SMYD3: variants seen among roughly 807,000 people sequenced by gnomAD.
SMYD3 encodes SET and MYND domain containing 3, also known as histone-lysine N-methyltransferase SMYD3.
A neutral mutation model predicts 57.7 loss-of-function variants in SMYD3; 36 were observed. The observed-to-expected ratio is 0.62, with a 90% CI of 0.48 to 0.82. SMYD3 has a LOEUF of 0.82. Ranked by LOEUF, SMYD3 falls within the 40% of genes least tolerant of loss-of-function variation. The probability of loss-of-function intolerance (pLI) is 0.00; values close to 1 mark genes in which losing one functional copy is unlikely to be tolerated. For missense variants in SMYD3, 515 were observed against 538.8 expected, an observed-to-expected ratio of 0.96 and a Z score of 0.44; for synonymous variants, 211 against 195.0, an observed-to-expected ratio of 1.08 and a Z score of -0.68.
chr1:246,464,374 A>C (rs2067852372), intron 1 of SMYD3, among the ~76,000 whole-genome samples: 1 of 151,942 alleles, frequency 6.6e-6, no homozygotes, highest in Non-Finnish European at 1.5e-5. Flanking sequence ...AAACTTAGCC[A>C]GGAGTGGTGG....
chr1:245,937,313 C>T (rs1226267418), intron 5 of SMYD3, among the ~76,000 whole-genome samples: 2 of 152,200 alleles, frequency 1.3e-5, no homozygotes, highest in Admixed American at 1.3e-4. Flanking sequence ...CAAATGTTAG[C>T]AAATGAAGCC....
At chr1:245,915,427 C>T in intron 8 of SMYD3, 103 bp downstream of exon 8, 1 of 695,738 alleles carries the variant, frequency 1.4e-6, no homozygotes, top group Non-Finnish European at 2.6e-6. Flanking sequence ...CTACCATGTA[C>T]TGAGGGTCAT....
intron 10 of SMYD3, among the ~76,000 whole-genome samples, chr1:245,826,398 A>G (rs2049493107): frequency 6.6e-6 from 1 of 152,134 alleles, no homozygotes; most frequent in East Asian, 1.9e-4. Flanking sequence ...GTTTTTAAAT[A>G]GAGAAGGGGT....
intron 5 of SMYD3, among the ~76,000 whole-genome samples, chr1:245,980,137 G>A (rs986357443): frequency 2.0e-5 from 3 of 152,176 alleles, no homozygotes; most frequent in South Asian, 4.1e-4. Flanking sequence ...TACAACGAGG[G>A]GGAGAACTCA....
intron 5 of SMYD3, among the ~76,000 whole-genome samples, chr1:246,130,252 A>ACT (rs2061568209): frequency 6.6e-6 from 1 of 152,206 alleles, no homozygotes; most frequent in Admixed American, 6.5e-5. Context: ...CAAAATTATC[A>ACT]CTAAGATCAT....
intron 5 of SMYD3, among the ~76,000 whole-genome samples, chr1:246,265,290 C>T (rs934222692): frequency 6.7e-6 from 1 of 148,926 alleles, no homozygotes; most frequent in Non-Finnish European, 1.5e-5. Flanking sequence ...TGCCAACATA[C>T]CCAGCTAATT....
chr1:246,130,346 T>C (rs1436217571), intron 5 of SMYD3, among the ~76,000 whole-genome samples: 1 of 152,182 alleles, frequency 6.6e-6, no homozygotes, highest in African/African-American at 2.4e-5. Context: ...TTATAAGCCC[T>C]GAATCCATTT....
chr1:246,224,530 G>A (rs1235183952), intron 5 of SMYD3, among the ~76,000 whole-genome samples: 6 of 151,922 alleles, frequency 3.9e-5, no homozygotes, highest in Admixed American at 1.3e-4. Context: ...TGTAATGGAA[G>A]TCGATGGAAG....
chr1:245,977,406 C>T (rs905313388), intron 5 of SMYD3, among the ~76,000 whole-genome samples: 12 of 152,252 alleles, frequency 7.9e-5, no homozygotes, highest in Non-Finnish European at 1.0e-4. Context: ...GGGCCACGCA[C>T]GGTGGCTCAC....
intron 5 of SMYD3, among the ~76,000 whole-genome samples, chr1:246,046,660 AT>A (rs199700239): frequency 0.014 from 2,120 of 147,510 alleles, 45 homozygotes; most frequent in African/African-American, 0.048. Context: ...TATTTTATAT[AT>A]TTTTTTAATA....
chr1:246,211,646 G>A (rs1327581729), intron 5 of SMYD3, among the ~76,000 whole-genome samples: 1 of 152,072 alleles, frequency 6.6e-6, no homozygotes, highest in Non-Finnish European at 1.5e-5. Flanking sequence ...GGAAGAGGTA[G>A]TAATTTTTAT....
At chr1:246,366,718 G>T (rs968856102) in intron 1 of SMYD3, among the ~76,000 whole-genome samples, 1 of 151,866 alleles carries the variant, frequency 6.6e-6, no homozygotes, top group Non-Finnish European at 1.5e-5. Flanking sequence ...GGCGGATCAC[G>T]AGGTCAGGAG....
intron 5 of SMYD3, among the ~76,000 whole-genome samples, chr1:246,072,541 T>C (rs2147795442): frequency 6.6e-6 from 1 of 152,328 alleles, no homozygotes; most frequent in South Asian, 2.1e-4. Context: ...TTAAGATGTG[T>C]ACAGGTGCCA....
In SMYD3 at chr1:245,902,336, C is replaced by T. The variant is rs534132816; in HGVS notation, c.813+13194G>A. ...GGGGCCACTGCCACCTACAGCGATGCCACCCCTTCCAAGGACAAGGCCACC... is the reference window on the plus strand; with the variant it reads ...GGGGCCACTGCCACCTACAGCGATGTCACCCCTTCCAAGGACAAGGCCACC... On this transcript the variant is annotated intron_variant, in intron 8 of 11. Coordinates refer to ENST00000490107, the MANE Select transcript of SMYD3 (RefSeq NM_001167740.2). Among the ~76,000 whole-genome samples the T allele has an allele frequency of 2.9e-3, 445 of 152,320 alleles. 1 individual carries two copies. Among genetic ancestry groups the T allele is most frequent in the African/African-American group, 0.01 (429 of 41,570 alleles).
At position 246,046,434 on chromosome 1, in the gene SMYD3, T is replaced by C. The variant is rs372052142; in HGVS notation, c.532-116497A>G. Among the ~76,000 whole-genome samples the C allele has an allele frequency of 2.6e-4, 40 of 151,776 alleles. No individual in the cohort carries two copies. The East Asian group carries it at 5.1e-3, about 19-fold the overall frequency. ...GGTGGGAATTGAACAATGAGAACACTTGGACACAGGAAGGGGAACATCACA... is the reference window on the plus strand; with the variant it reads ...GGTGGGAATTGAACAATGAGAACACCTGGACACAGGAAGGGGAACATCACA... On this transcript the variant is annotated intron_variant, in intron 5 of 11. Transcript: ENST00000490107.
intron 1 of SMYD3, among the ~76,000 whole-genome samples, chr1:246,442,382 C>G (rs904684514): frequency 1.3e-5 from 2 of 152,076 alleles, no homozygotes; most frequent in African/African-American, 2.4e-5. Flanking sequence ...AACCCCGCCT[C>G]TACTAAAAAT....
In SMYD3 at chr1:246,458,745, C is replaced by T. The variant is rs551116432; in HGVS notation, c.164+48309G>A. 4.7e-5 allele frequency among the ~76,000 whole-genome samples: 7 copies of T among 150,130 alleles called. No individual in the cohort carries two copies. The East Asian group carries it at 1.4e-3, about 30-fold the overall frequency. On this transcript the variant is annotated intron_variant, in intron 1 of 11. Coordinates refer to ENST00000490107, the MANE Select transcript of SMYD3 (RefSeq NM_001167740.2). ...CCTCCCAAAGTGCTGGGATTACAGG[C>T]GTGAGCCACCGCGCCCGGCCGGAAA...
intron 5 of SMYD3, among the ~76,000 whole-genome samples, chr1:245,932,025 A>G (rs183148689): frequency 3.1e-4 from 47 of 152,342 alleles, no homozygotes; most frequent in Non-Finnish European, 5.3e-4. Context: ...TAAAAATATA[A>G]GACAGAAAGT....
chr1:245,996,231 T>TC (rs2058929869), intron 5 of SMYD3, among the ~76,000 whole-genome samples: 2 of 152,358 alleles, frequency 1.3e-5, no homozygotes, highest in South Asian at 4.1e-4. Context: ...AACGATTTTC[T>TC]ATATGTTGCT....
Sources: gnomAD v4.1 joint callset for allele counts (sites outside exome capture counted in the v4.1 genomes callset) on GRCh38, gnomAD v4.1.1 for gene constraint, MANE v1.5 for transcripts, NCBI Gene and HGNC (gene_info 2026-07-23, HGNC 2026-07-21) for gene names.